The following ZC3HAV1L variants were observed in gnomAD, a reference collection of about 807,000 sequenced individuals.
ZC3HAV1L encodes ZC3HAV1 like.
In ZC3HAV1L, 23 loss-of-function variants were observed where a neutral mutation model predicts 28.2. The observed-to-expected ratio is 0.82, with a 90% CI of 0.59 to 1.16. The LOEUF (loss-of-function observed/expected upper bound fraction) is 1.16, where lower values mean the gene tolerates loss of function less well. ZC3HAV1L is among the 50% of genes most tolerant of loss of function. The pLI is 0.00. For missense variants in ZC3HAV1L, 376 were observed against 387.7 expected (o/e 0.97, Z 0.25); for synonymous variants, 180 against 163.4 (o/e 1.10, Z -0.78).
downstream of ZC3HAV1L, among the ~76,000 whole-genome samples, chr7:139,025,449 C>A (rs1023586594): frequency 7.7e-4 from 105 of 136,274 alleles, no homozygotes; most frequent in African/African-American, 1.9e-3. Context: ...ACTCTGTCTC[C>A]AAAAAAAAAA....
intron 1 of ZC3HAV1L, 83 bp from the exon 2 acceptor site, chr7:139,034,761 G>A: frequency 1.3e-6 from 2 of 1,563,588 alleles, no homozygotes; most frequent in Non-Finnish European, 1.7e-6. Context: ...AGCTTTCAAT[G>A]TATTTAATAC....
At chr7:139,029,794 G>A (rs957317558) in intron 2 of ZC3HAV1L, among the ~76,000 whole-genome samples, 7 of 152,038 alleles carry the variant, frequency 4.6e-5, no homozygotes, top group Non-Finnish European at 7.4e-5. Context: ...CAGTTTCAAC[G>A]GGTGGCACAA....
intron 2 of ZC3HAV1L, among the ~76,000 whole-genome samples, chr7:139,030,836 AATTAATTAATTAAT>A (rs1815508026): frequency 3.3e-5 from 5 of 150,562 alleles, no homozygotes; most frequent in Non-Finnish European, 7.4e-5. Context: ...AATAATAATT[AATTAATTAATTAAT>A]TAATTAAATA....
rs914634136 is a variant in ZC3HAV1L, at chr7:139,035,775, C to T, written c.243G>A (p.Arg81=). 4.0e-6 allele frequency: 6 copies of T among 1,495,988 alleles called. No homozygotes were observed. The highest frequency in any genetic ancestry group is 2.2e-5 in the Admixed American group (1 of 45,936). The allele number at this position is 1,495,988 out of a possible 1,614,324, so 92.7% of individuals were successfully genotyped here. A position where few individuals can be genotyped will look rare whatever the true frequency, so the allele number is the denominator to read the frequency against. The change falls in exon 1 of 5, where the codon AGG becomes AGA. Residue 81 remains arginine, a synonymous_variant. Coordinates refer to ENST00000275766, the MANE Select transcript of ZC3HAV1L (RefSeq NM_080660.4). ...GGCGCACAGAGGACACGGCCACCAC[C>T]CTCCAGGCGGAGGTGCCGCCACCGC... ...AVGGGGTSAW[R]VVAVSSVRLC... is the part of the protein sequence containing the mutation.
intron 3 of ZC3HAV1L, among the ~76,000 whole-genome samples, chr7:139,028,113 G>A (rs1034580932): frequency 1.3e-5 from 2 of 152,026 alleles, no homozygotes; most frequent in Admixed American, 1.3e-4. Context: ...TGTGGCTCAT[G>A]CCTGAAATCC....
chr7:139,024,667 C>T (rs566778038), downstream of ZC3HAV1L, among the ~76,000 whole-genome samples: 1 of 152,206 alleles, frequency 6.6e-6, no homozygotes, highest in East Asian at 1.9e-4. Flanking sequence ...GGAGAAAACA[C>T]AGCCATTTCT....
At chr7:139,023,330 A>G (rs570995859), downstream of ZC3HAV1L, among the ~76,000 whole-genome samples, 1 of 152,312 alleles carries the variant, frequency 6.6e-6, no homozygotes, top group East Asian at 1.9e-4. Context: ...CAATCAGAAC[A>G]TTTCTCATAA....
chr7:139,035,652 C>A lies in ZC3HAV1L; in HGVS notation c.365+1G>T. On this transcript the variant is annotated splice_donor_variant, in intron 1 of 4. Coordinates refer to ENST00000275766, the MANE Select transcript of ZC3HAV1L (RefSeq NM_080660.4). LOFTEE classifies it high-confidence loss of function. Reference sequence around the variant, plus strand: ...GTCCCCGCCCGCCGCCGCCTTCTCACCAGCAGTCCCGGTTGGGGCACTTGC... The same window carrying A: ...GTCCCCGCCCGCCGCCGCCTTCTCAACAGCAGTCCCGGTTGGGGCACTTGC... 1 of 1,425,714 alleles carries A rather than the reference C, an allele frequency of 7.0e-7. No homozygotes were observed. The highest frequency in any genetic ancestry group is 9.1e-7 in the Non-Finnish European group (1 of 1,098,222). 88.3% of individuals were successfully genotyped at this position (1,425,714 alleles called of 1,614,324 possible). A position where few individuals can be genotyped will look rare whatever the true frequency, so the allele number is the denominator to read the frequency against.
chr7:139,024,732 T>C (rs1815310585), downstream of ZC3HAV1L, among the ~76,000 whole-genome samples: 1 of 152,216 alleles, frequency 6.6e-6, no homozygotes, highest in African/African-American at 2.4e-5. Context: ...TAGCATTTCA[T>C]GATAAAAATT....
chr7:139,033,013 G>C lies in ZC3HAV1L; in HGVS notation c.501+1530C>G, dbSNP rs529937025. 2.0e-5 allele frequency among the ~76,000 whole-genome samples: 3 copies of C among 152,196 alleles called. No homozygotes were observed. The East Asian group carries it at 5.8e-4, about 29-fold the overall frequency. ...ACTTGAGGTCAGGCATATAAGACCA[G>C]CCCGGCCAACATGGTGAAACGCTAT... On this transcript the variant is annotated intron_variant, in intron 2 of 4. Transcript: ENST00000275766.
downstream of ZC3HAV1L, chr7:139,022,547 A>T (rs1815265932): frequency 5.2e-6 from 1 of 191,904 alleles, no homozygotes; most frequent in Non-Finnish European, 1.1e-5. Context: ...CCTGTCTCAA[A>T]AAAACGTCGG....
chr7:139,034,542 C>A lies in ZC3HAV1L; in HGVS notation c.501+1G>T. ...ATGAGGGTGACTCCTTGGTGACTCACCTCTGGTAAAAGACAGGGGTCATTC... is the reference window on the plus strand; with the variant it reads ...ATGAGGGTGACTCCTTGGTGACTCAACTCTGGTAAAAGACAGGGGTCATTC... On this transcript the variant is annotated splice_donor_variant, in intron 2 of 4. Transcript: ENST00000275766. LOFTEE classifies it high-confidence loss of function. The A allele has an allele frequency of 6.2e-7, 1 of 1,614,066 alleles. No homozygotes were observed. The highest frequency in any genetic ancestry group is 8.5e-7 in the Non-Finnish European group (1 of 1,179,966).
In ZC3HAV1L at chr7:139,026,879, C is replaced by T. The variant is rs139748290; in HGVS notation, c.761-46G>A. 4.4e-6 allele frequency: 7 copies of T among 1,578,172 alleles called. No individual in the cohort carries two copies. In the African/African-American group the frequency reaches 9.4e-5, roughly 21 times the overall value. On this transcript the variant is annotated intron_variant, in intron 3 of 4. Transcript: ENST00000275766. ...AGTTTTCCTACGATACCCCAAGTTTCATTTTACGTTGGGAGCAACAGCCCA... is the reference window on the plus strand; with the variant it reads ...AGTTTTCCTACGATACCCCAAGTTTTATTTTACGTTGGGAGCAACAGCCCA...
At chr7:139,031,499 T>A (rs962532110) in intron 2 of ZC3HAV1L, among the ~76,000 whole-genome samples, 1 of 152,018 alleles carries the variant, frequency 6.6e-6, no homozygotes, top group Non-Finnish European at 1.5e-5. Context: ...GGCACGAGAA[T>A]TGCTTGAACC....
chr7:139,034,459 A>C (rs1815636474), intron 2 of ZC3HAV1L, 84 bp downstream of exon 2: 3 of 1,552,508 alleles, frequency 1.9e-6, no homozygotes, highest in Non-Finnish European at 8.7e-7. Flanking sequence ...GGCAATTAAA[A>C]TTAATATGTA....
chr7:139,028,019 T>A (rs764612202), intron 3 of ZC3HAV1L, among the ~76,000 whole-genome samples: 1 of 152,168 alleles, frequency 6.6e-6, no homozygotes, highest in African/African-American at 2.4e-5. Flanking sequence ...CATCCCTACA[T>A]TAATCTTACT....
chr7:139,026,852 TAA>T lies in ZC3HAV1L; in HGVS notation c.761-21_761-20del, dbSNP rs761918228. ...GAATTATCTACAAAGAGGAAAGGGA[TAA>T]GTTTTCCTACGATACCCCAAGTTTC... On this transcript the variant is annotated intron_variant, in intron 3 of 4. Coordinates refer to ENST00000275766, the MANE Select transcript of ZC3HAV1L (RefSeq NM_080660.4). 5 of 1,597,262 alleles carry T rather than the reference TAA, an allele frequency of 3.1e-6. No homozygotes were observed. The highest frequency in any genetic ancestry group is 2.2e-5 in the South Asian group (2 of 88,920).
At chr7:139,033,658 A>G (rs1815603938) in intron 2 of ZC3HAV1L, 6 of 926,550 alleles carry the variant, frequency 6.5e-6, no homozygotes, top group Non-Finnish European at 7.7e-6. Flanking sequence ...TGACAAGGTG[A>G]GGCTGGGCCC....
chr7:139,026,328 T>C lies in ZC3HAV1L; in HGVS notation c.*216A>G, dbSNP rs189911848. 3 of 581,898 alleles carry C rather than the reference T, an allele frequency of 5.2e-6. No homozygotes were observed. The East Asian group carries it at 9.0e-5, about 18-fold the overall frequency. 36.0% of individuals were successfully genotyped at this position (581,898 alleles called of 1,614,324 possible). On this transcript the variant is annotated 3_prime_UTR_variant, in exon 5 of 5. Coordinates refer to ENST00000275766, the MANE Select transcript of ZC3HAV1L (RefSeq NM_080660.4). ...ATATAAATTGATAGAAAAACAATGG[T>C]GGACCACAGAAGTCAGCAGAGCTCC... is the stretch of plus-strand genomic sequence containing the variant.
Sources: gnomAD v4.1 joint callset for allele counts (sites outside exome capture counted in the v4.1 genomes callset) on GRCh38, gnomAD v4.1.1 for gene constraint, MANE v1.5 for transcripts, NCBI Gene and HGNC (gene_info 2026-07-23, HGNC 2026-07-21) for gene names.